The following SAMD4A variants were observed in gnomAD, a reference collection of about 807,000 sequenced individuals.
SAMD4A encodes protein Smaug homolog 1.
SAMD4A carries 33 observed loss-of-function variants against 81.3 expected under a neutral mutation model. The observed-to-expected ratio is 0.41, with a 90% CI of 0.31 to 0.54. The LOEUF is 0.54. Ranked by LOEUF, SAMD4A falls within the 20% of genes least tolerant of loss-of-function variation. SAMD4A has a pLI of 0.37. For missense variants in SAMD4A, 854 were observed against 951.1 expected (o/e 0.90, Z 1.34); for synonymous variants, 389 against 382.1 (o/e 1.02, Z -0.21).
intron 7 of SAMD4A, among the ~76,000 whole-genome samples, chr14:54,762,949 G>A (rs1380192521): frequency 6.6e-6 from 1 of 151,346 alleles, no homozygotes; most frequent in Admixed American, 6.6e-5. Context: ...CCACCTCCCA[G>A]GTTCATGCCA....
Position 54,737,174 on chromosome 14 carries a change from C to T in SAMD4A, c.866C>T (p.Ala289Val), listed in dbSNP as rs545730881. 1.5e-5 allele frequency: 24 copies of T among 1,613,856 alleles called. No individual in the cohort carries two copies. The South Asian group carries it at 2.1e-4, about 14-fold the overall frequency. ...RGPQCLPSDH[A>V]PLSPQSSVAS... The stretch of plus-strand genomic sequence containing the variant: ...CCCCAGTGCCTCCCATCCGATCATG[C>T]CCCCCTGTCTCCACAAAGCAGTGTA... The change falls in exon 4 of 13, where the codon GCC (alanine) becomes GTC (valine). Residue 289 changes from alanine to valine, a missense_variant. Ala to Val is a moderately conservative substitution (Grantham distance 64, BLOSUM62 0). Transcript: ENST00000554335.
chr14:54,759,663 A>T (rs184323611), intron 6 of SAMD4A, among the ~76,000 whole-genome samples: 1 of 152,346 alleles, frequency 6.6e-6, no homozygotes, highest in Admixed American at 6.5e-5. Context: ...GGAGTGCAAG[A>T]ATCCAAACCC....
At chr14:54,633,811 A>C (rs1430342298) in intron 2 of SAMD4A, among the ~76,000 whole-genome samples, 1 of 152,168 alleles carries the variant, frequency 6.6e-6, no homozygotes, top group Non-Finnish European at 1.5e-5. Context: ...TATGGTGGTT[A>C]TGAATATATC....
intron 2 of SAMD4A, among the ~76,000 whole-genome samples, chr14:54,641,279 A>G (rs56316055): frequency 0.028 from 4,214 of 152,342 alleles, 72 homozygotes; most frequent in Middle Eastern, 0.051. Context: ...AGGCATTATC[A>G]TCAGTTTCTT....
intron 2 of SAMD4A, among the ~76,000 whole-genome samples, chr14:54,638,176 A>G (rs2035081564): frequency 6.6e-6 from 1 of 152,238 alleles, no homozygotes; most frequent in Non-Finnish European, 1.5e-5. Context: ...TCTTTGCTTA[A>G]GCAAGTCACA....
intron 3 of SAMD4A, among the ~76,000 whole-genome samples, chr14:54,710,802 TC>T (rs2036970115): frequency 6.6e-6 from 1 of 152,206 alleles, no homozygotes; most frequent in Non-Finnish European, 1.5e-5. Flanking sequence ...CACCTATCCT[TC>T]CCGACTGTGA....
chr14:54,751,918 G>T (rs546181652), intron 6 of SAMD4A, among the ~76,000 whole-genome samples: 1 of 152,320 alleles, frequency 6.6e-6, no homozygotes, highest in Admixed American at 6.5e-5. Flanking sequence ...GGAATATGCA[G>T]TGTGCTTTGG....
chr14:54,684,620 C>T (rs1160098161), intron 2 of SAMD4A, among the ~76,000 whole-genome samples: 3 of 134,964 alleles, frequency 2.2e-5, no homozygotes, highest in East Asian at 2.6e-4. Context: ...CCGCCCCCCC[C>T]CCCAACCAGA....
At chr14:54,595,821 T>A (rs2033897365) in intron 2 of SAMD4A, among the ~76,000 whole-genome samples, 1 of 152,216 alleles carries the variant, frequency 6.6e-6, no homozygotes, top group African/African-American at 2.4e-5. Context: ...ATACATGATT[T>A]CCAAATTGTA....
At chr14:54,642,762 C>G (rs1289024255) in intron 2 of SAMD4A, among the ~76,000 whole-genome samples, 1 of 152,186 alleles carries the variant, frequency 6.6e-6, no homozygotes, top group East Asian at 1.9e-4. Flanking sequence ...AAGAGAAAAG[C>G]GTTCTTAGTC....
Position 54,793,302 on chromosome 14 carries a change from G to A in SAMD4A, c.*4358G>A, listed in dbSNP as rs1191299373. Reference sequence around the variant, plus strand: ...AGTGAAGGGAAATGATTAATACAAGGTTTTGTAACACTGGTGTGTCTTTTT... The same window carrying A: ...AGTGAAGGGAAATGATTAATACAAGATTTTGTAACACTGGTGTGTCTTTTT... On this transcript the variant is annotated 3_prime_UTR_variant, in exon 13 of 13. Transcript: ENST00000554335. 2.0e-5 allele frequency: 3 copies of A among 152,032 alleles called. No homozygotes were observed. Among genetic ancestry groups the A allele is most frequent in the African/African-American group, 4.8e-5 (2 of 41,380 alleles). 9.4% of individuals were successfully genotyped at this position (152,032 alleles called of 1,614,324 possible).
At chr14:54,788,217 G>T (rs1183465239) in intron 12 of SAMD4A, among the ~76,000 whole-genome samples, 3 of 152,178 alleles carry the variant, frequency 2.0e-5, no homozygotes, top group Non-Finnish European at 2.9e-5. Context: ...CCTCTGGTCT[G>T]CTCAGCTGTG....
chr14:54,779,874 C>A (rs1708424811), intron 11 of SAMD4A, among the ~76,000 whole-genome samples: 1 of 152,080 alleles, frequency 6.6e-6, no homozygotes, highest in Non-Finnish European at 1.5e-5. Flanking sequence ...AATACGCTCA[C>A]CAGAAAACAA....
chr14:54,590,975 T>A (rs1288484894), intron 2 of SAMD4A, among the ~76,000 whole-genome samples: 1 of 152,240 alleles, frequency 6.6e-6, no homozygotes, highest in African/African-American at 2.4e-5. Flanking sequence ...GAGTTTCTTA[T>A]CTCAGACTTT....
chr14:54,638,697 C>T (rs972382558), intron 2 of SAMD4A, among the ~76,000 whole-genome samples: 3 of 152,090 alleles, frequency 2.0e-5, no homozygotes, highest in African/African-American at 4.8e-5. Context: ...TTAAGCCAGT[C>T]GTTTATCATG....
intron 2 of SAMD4A, among the ~76,000 whole-genome samples, chr14:54,662,670 C>T (rs901664664): frequency 6.6e-6 from 1 of 152,076 alleles, no homozygotes. Flanking sequence ...TTGCCTCCGC[C>T]TCCCAAAGTG....
chr14:54,706,326 G>A (rs1202902340), intron 3 of SAMD4A, among the ~76,000 whole-genome samples: 3 of 142,432 alleles, frequency 2.1e-5, no homozygotes, highest in Admixed American at 7.2e-5. Context: ...AAAAAAGACC[G>A]GGCATTGGTG....
rs755619004 is a variant in SAMD4A at position 54,789,216 on chromosome 14, G to A, written c.*272G>A. The A allele has an allele frequency of 3.8e-4, 199 of 527,364 alleles. 3 individuals carry two copies. Among genetic ancestry groups the A allele is most frequent in the Non-Finnish European group, 4.4e-4 (128 of 292,456 alleles). The allele number at this position is 527,364 out of a possible 1,614,324, so 32.7% of individuals were successfully genotyped here. Reference sequence around the variant, plus strand: ...CTCTAGGGAATTATGAGACTGGGAGGGGGGTGGAGGGAATGCAGGTAGCTC... The same window carrying A: ...CTCTAGGGAATTATGAGACTGGGAGAGGGGTGGAGGGAATGCAGGTAGCTC... On this transcript the variant is annotated 3_prime_UTR_variant, in exon 13 of 13. Transcript: ENST00000554335.
chr14:54,670,366 C>T (rs1353429143), intron 2 of SAMD4A, among the ~76,000 whole-genome samples: 1 of 152,154 alleles, frequency 6.6e-6, no homozygotes, highest in Non-Finnish European at 1.5e-5. Flanking sequence ...CCACGAAATC[C>T]AGGAAGCCAA....
Sources: gnomAD v4.1 joint callset for allele counts (sites outside exome capture counted in the v4.1 genomes callset) on GRCh38, gnomAD v4.1.1 for gene constraint, MANE v1.5 for transcripts, NCBI Gene and HGNC (gene_info 2026-07-23, HGNC 2026-07-21) for gene names.